Variants in GPR149 observed in about 807,000 individuals in gnomAD.
GPR149 encodes the protein probable G protein-coupled receptor 149.
Under a neutral mutation model 50.2 loss-of-function variants are expected in GPR149, and 50 were observed. The observed-to-expected ratio is 1.00, with a 90% CI of 0.79 to 1.26. The LOEUF is 1.26. Ranked by LOEUF, GPR149 falls within the 50% of genes most tolerant of loss-of-function variation. GPR149 has a pLI of 0.00. For missense variants in GPR149, 983 were observed against 895.4 expected, an observed-to-expected ratio of 1.10 and a Z score of -1.25; for synonymous variants, 405 against 358.2, an observed-to-expected ratio of 1.13 and a Z score of -1.48.
At chr3:154,405,140 T>C (rs1437829910) in intron 3 of GPR149, among the ~76,000 whole-genome samples, 1 of 152,170 alleles carries the variant, frequency 6.6e-6, no homozygotes, top group Non-Finnish European at 1.5e-5. Flanking sequence ...TTATAAATTT[T>C]TGATAATGAT....
chr3:154,392,185 C>A (rs888157177), intron 3 of GPR149, among the ~76,000 whole-genome samples: 2 of 151,590 alleles, frequency 1.3e-5, no homozygotes, highest in Non-Finnish European at 3.0e-5. Context: ...AACATTTCAC[C>A]AAAGAGCAGC....
intron 3 of GPR149, 80 bp downstream of exon 3, chr3:154,420,959 C>A: frequency 9.6e-7 from 1 of 1,041,724 alleles, no homozygotes; most frequent in Non-Finnish European, 1.4e-6. Flanking sequence ...TTGAATAAAA[C>A]AAACAACTGA....
At chr3:154,400,007 G>C (rs1711510978) in intron 3 of GPR149, among the ~76,000 whole-genome samples, 1 of 152,046 alleles carries the variant, frequency 6.6e-6, no homozygotes, top group Non-Finnish European at 1.5e-5. Context: ...ATTATTTTGA[G>C]ACGGAGTCTC....
At chr3:154,415,611 CT>C (rs577886564) in intron 3 of GPR149, among the ~76,000 whole-genome samples, 2 of 151,742 alleles carry the variant, frequency 1.3e-5, no homozygotes, top group Non-Finnish European at 2.9e-5. Context: ...TGCAGCAGGA[CT>C]TTTTTTGGTT....
At position 154,379,931 on chromosome 3, in the gene GPR149, ATGTG is replaced by A. The variant is rs749186609; in HGVS notation, c.1623+41104_1623+41107del. Among the ~76,000 whole-genome samples, 132 of 151,436 alleles carry A rather than the reference ATGTG, an allele frequency of 8.7e-4. 1 individual carries two copies. Among genetic ancestry groups the A allele is most frequent in the Non-Finnish European group, 1.0e-3 (68 of 67,874 alleles). ...ACACAGGATAAATTTGGGGATATATATGTGTATGTGTGTTTTCTGTTCATCTTTT... is the reference window on the plus strand; with the variant it reads ...ACACAGGATAAATTTGGGGATATATATATGTGTGTTTTCTGTTCATCTTTT... On this transcript the variant is annotated intron_variant, in intron 3 of 3. Transcript: ENST00000389740.
chr3:154,366,199 G>T (rs182285271), intron 3 of GPR149, among the ~76,000 whole-genome samples: 62 of 152,218 alleles, frequency 4.1e-4, no homozygotes, highest in Non-Finnish European at 3.4e-4. Context: ...GACACTCCTT[G>T]TTATACTCTC....
intron 3 of GPR149, among the ~76,000 whole-genome samples, chr3:154,374,048 G>T (rs1448143952): frequency 6.6e-6 from 1 of 152,036 alleles, no homozygotes; most frequent in East Asian, 1.9e-4. Flanking sequence ...GGTGCTTAGA[G>T]TTTGTTTTCC....
At chr3:154,393,239 C>T (rs918360704) in intron 3 of GPR149, among the ~76,000 whole-genome samples, 3 of 151,954 alleles carry the variant, frequency 2.0e-5, no homozygotes, top group African/African-American at 7.2e-5. Context: ...CACCCATGAC[C>T]AGCTGCAATT....
chr3:154,428,705 A>C lies in GPR149; in HGVS notation c.911T>G (p.Val304Gly). 2 of 1,614,126 alleles carry C rather than the reference A, an allele frequency of 1.2e-6. No individual in the cohort carries two copies. Among genetic ancestry groups the C allele is most frequent in the Non-Finnish European group, 1.7e-6 (2 of 1,180,016 alleles). Reference protein sequence around the residue: ...GTLYGTRSFTVSVAQKRFALI... With the variant: ...GTLYGTRSFTGSVAQKRFALI... ...AGCGAAGCGCTTCTGCGCTACGCTC[A>C]CGGTGAAGCTCCTGGTGCCATAGAG... Residue 304 changes from valine (V) to glycine (G), a missense_variant, in exon 1 of 4, where the codon GTG (valine) becomes GGG (glycine). Val to Gly is a moderately radical substitution (Grantham distance 109). Transcript: ENST00000389740.
chr3:154,402,798 C>T (rs1250540282), intron 3 of GPR149, among the ~76,000 whole-genome samples: 1 of 152,156 alleles, frequency 6.6e-6, no homozygotes, highest in Admixed American at 6.6e-5. Flanking sequence ...CACATACATG[C>T]CTGTGTGGAA....
chr3:154,367,027 C>T (rs1389398604), intron 3 of GPR149, among the ~76,000 whole-genome samples: 2 of 152,110 alleles, frequency 1.3e-5, no homozygotes, highest in East Asian at 3.9e-4. Flanking sequence ...ATGTATTGCT[C>T]ACTGTTCTGG....
intron 3 of GPR149, among the ~76,000 whole-genome samples, chr3:154,371,839 G>A (rs1289843663): frequency 2.0e-5 from 3 of 152,118 alleles, no homozygotes; most frequent in African/African-American, 4.8e-5. Context: ...TAGGCCCTGC[G>A]ACAGCCATCC....
chr3:154,404,141 C>T (rs1050033755), intron 3 of GPR149, among the ~76,000 whole-genome samples: 1 of 152,086 alleles, frequency 6.6e-6, no homozygotes, highest in African/African-American at 2.4e-5. Flanking sequence ...AACAATTTAT[C>T]GTACCAACAG....
At chr3:154,387,334 C>T (rs1715066993) in intron 3 of GPR149, among the ~76,000 whole-genome samples, 1 of 152,184 alleles carries the variant, frequency 6.6e-6, no homozygotes, top group Admixed American at 6.5e-5. Flanking sequence ...TATCTGTGCC[C>T]TCCTGTTCCT....
chr3:154,400,519 A>G (rs751777495), intron 3 of GPR149, among the ~76,000 whole-genome samples: 1 of 152,196 alleles, frequency 6.6e-6, no homozygotes, highest in Non-Finnish European at 1.5e-5. Context: ...AAGGAGCTTT[A>G]TATGCAAAGA....
chr3:154,397,378 T>C (rs1004932017), intron 3 of GPR149, among the ~76,000 whole-genome samples: 2 of 152,204 alleles, frequency 1.3e-5, no homozygotes, highest in Admixed American at 1.3e-4. Context: ...TATGCTGTAT[T>C]TTCTTAAAGA....
chr3:154,415,396 A>G (rs1422941465), intron 3 of GPR149, among the ~76,000 whole-genome samples: 1 of 151,970 alleles, frequency 6.6e-6, no homozygotes, highest in African/African-American at 2.4e-5. Flanking sequence ...GAAATATCTG[A>G]AGTAGTTTAG....
chr3:154,425,497 TCAGA>T (rs1329846843), intron 2 of GPR149, among the ~76,000 whole-genome samples: 4 of 152,080 alleles, frequency 2.6e-5, no homozygotes, highest in Admixed American at 2.6e-4. Flanking sequence ...TGGTGGCTTC[TCAGA>T]CAGTAGAAAC....
At chr3:154,361,007 C>A (rs1187331888) in intron 3 of GPR149, among the ~76,000 whole-genome samples, 1 of 152,110 alleles carries the variant, frequency 6.6e-6, no homozygotes, top group Non-Finnish European at 1.5e-5. Context: ...TTTAAGTATT[C>A]TTTCTTCCCA....
Sources: gnomAD v4.1 joint callset for allele counts (sites outside exome capture counted in the v4.1 genomes callset) on GRCh38, gnomAD v4.1.1 for gene constraint, MANE v1.5 for transcripts, NCBI Gene and HGNC (gene_info 2026-07-23, HGNC 2026-07-21) for gene names.